The following LY96 variants were observed in gnomAD, a reference collection of about 807,000 sequenced individuals.
LY96 encodes the protein myeloid differentiation protein-2.
In LY96, 18 loss-of-function variants were observed where a neutral mutation model predicts 18.9. The observed-to-expected ratio is 0.95, with a 90% CI of 0.66 to 1.41. The LOEUF is 1.41. Ranked by LOEUF, LY96 falls within the 40% of genes most tolerant of loss-of-function variation. LY96 has a pLI of 0.00. For missense variants in LY96, 175 were observed against 182.4 expected (o/e 0.96, Z 0.23); for synonymous variants, 66 against 62.6 (o/e 1.06, Z -0.26).
the LY96 span, among the ~76,000 whole-genome samples, chr8:74,057,969 C>T: frequency 5.3e-5 from 8 of 152,320 alleles, no homozygotes; most frequent in Non-Finnish European, 1.0e-4. Context: ...CATGCATTCA[C>T]TTTCTGGGAT....
chr8:74,056,843 G>C, the LY96 span, among the ~76,000 whole-genome samples: 4 of 152,154 alleles, frequency 2.6e-5, no homozygotes, highest in African/African-American at 9.7e-5. Flanking sequence ...ACTTGATTTT[G>C]TCTTGTAAGA....
the LY96 span, among the ~76,000 whole-genome samples, chr8:74,087,233 G>A: frequency 2.6e-5 from 4 of 152,232 alleles, no homozygotes; most frequent in South Asian, 4.1e-4. Context: ...TACCTGTATC[G>A]GAATCATCTG....
At chr8:74,049,749 T>C in the LY96 span, among the ~76,000 whole-genome samples, 14 of 152,218 alleles carry the variant, frequency 9.2e-5, no homozygotes, top group Non-Finnish European at 1.6e-4. Flanking sequence ...TTATAATCTC[T>C]GTTTAGAATC....
chr8:74,007,594 T>A (rs1429979833), intron 2 of LY96, among the ~76,000 whole-genome samples: 3 of 152,202 alleles, frequency 2.0e-5, no homozygotes, highest in African/African-American at 7.2e-5. Context: ...GGAAATGATA[T>A]CTTTTGAGAT....
At chr8:74,082,100 T>C in the LY96 span, among the ~76,000 whole-genome samples, 1 of 152,212 alleles carries the variant, frequency 6.6e-6, no homozygotes, top group Non-Finnish European at 1.5e-5. Flanking sequence ...CTATTTTTTG[T>C]GCTCCTCCTT....
At chr8:74,072,908 C>G in the LY96 span, among the ~76,000 whole-genome samples, 1 of 152,104 alleles carries the variant, frequency 6.6e-6, no homozygotes, top group African/African-American at 2.4e-5. Flanking sequence ...AGCAGAACTG[C>G]TAGCAGATAT....
the LY96 span, among the ~76,000 whole-genome samples, chr8:74,086,348 C>A: frequency 6.6e-6 from 1 of 152,170 alleles, no homozygotes; most frequent in Non-Finnish European, 1.5e-5. Context: ...TGGTGCCTGG[C>A]AAGAGGTGGG....
At chr8:74,092,160 A>T in the LY96 span, among the ~76,000 whole-genome samples, 187 of 152,062 alleles carry the variant, frequency 1.2e-3, 3 homozygotes, top group South Asian at 0.038. Context: ...TTGTCATCTC[A>T]TGGGTGACAA....
the LY96 span, among the ~76,000 whole-genome samples, chr8:74,047,150 A>G: frequency 6.6e-6 from 1 of 152,212 alleles, no homozygotes; most frequent in African/African-American, 2.4e-5. Context: ...AGCCTCCCAA[A>G]GTGCTGGGAT....
chr8:74,063,642 TTATAA>T, the LY96 span, among the ~76,000 whole-genome samples: 17 of 152,130 alleles, frequency 1.1e-4, no homozygotes, highest in African/African-American at 3.6e-4. Flanking sequence ...CTATACATGA[TTATAA>T]TATATCTATT....
At chr8:74,070,984 G>A in the LY96 span, among the ~76,000 whole-genome samples, 1 of 152,046 alleles carries the variant, frequency 6.6e-6, no homozygotes, top group Admixed American at 6.6e-5. Flanking sequence ...CATAATTAAA[G>A]CATTTAATTC....
chr8:74,052,864 C>T, the LY96 span, among the ~76,000 whole-genome samples: 2 of 152,278 alleles, frequency 1.3e-5, no homozygotes, highest in South Asian at 2.1e-4. Context: ...TAGAAGAACA[C>T]ACGCAGAGTT....
intron 2 of LY96, among the ~76,000 whole-genome samples, chr8:74,005,177 C>T (rs1816386747): frequency 6.6e-6 from 1 of 152,182 alleles, no homozygotes; most frequent in African/African-American, 2.4e-5. Context: ...TACTTCTAAG[C>T]TCACGTAGCT....
At chr8:74,017,799 C>G (rs1265206557) in intron 3 of LY96, among the ~76,000 whole-genome samples, 1 of 152,142 alleles carries the variant, frequency 6.6e-6, no homozygotes, top group Non-Finnish European at 1.5e-5. Context: ...CCCAGCCAAA[C>G]TAAGCTTCAC....
chr8:74,073,718 C>T, the LY96 span, among the ~76,000 whole-genome samples: 2 of 151,940 alleles, frequency 1.3e-5, no homozygotes, highest in African/African-American at 2.4e-5. Flanking sequence ...GGCTGAAGTA[C>T]GGTGGCGCAA....
chr8:74,037,193 G>A, the LY96 span, among the ~76,000 whole-genome samples: 3 of 152,266 alleles, frequency 2.0e-5, no homozygotes, highest in African/African-American at 7.2e-5. Context: ...CAATCAGAAG[G>A]GATGGATTCA....
chr8:74,087,370 G>A, the LY96 span, among the ~76,000 whole-genome samples: 1 of 152,114 alleles, frequency 6.6e-6, no homozygotes, highest in Non-Finnish European at 1.5e-5. Context: ...TTTTATTGTA[G>A]GTTCCCCAAA....
intron 2 of LY96, among the ~76,000 whole-genome samples, chr8:74,009,766 T>A (rs1162134942): frequency 6.6e-6 from 1 of 152,232 alleles, no homozygotes. Context: ...AGAGCATGCA[T>A]AGTTTTACTG....
the LY96 span, among the ~76,000 whole-genome samples, chr8:74,079,885 A>ACG: frequency 6.6e-6 from 1 of 151,482 alleles, no homozygotes; most frequent in African/African-American, 2.4e-5. Context: ...GACTTAAAAA[A>ACG]TGTGTGTGTG....
Sources: allele counts gnomAD v4.1 joint callset (sites outside exome capture counted in the v4.1 genomes callset), GRCh38; gene constraint gnomAD v4.1.1; transcripts MANE v1.5; gene names NCBI Gene and HGNC (gene_info 2026-07-23, HGNC 2026-07-21).